The following CENPE variants were observed in gnomAD, a reference collection of about 807,000 sequenced individuals.
CENPE encodes the protein centromere protein E, also known as centromere-associated protein E.
Under a neutral mutation model 336.1 loss-of-function variants are expected in CENPE, and 145 were observed. The ratio of observed to expected loss-of-function variants is 0.43; its 90% CI spans 0.38 to 0.50. The LOEUF (loss-of-function observed/expected upper bound fraction) is 0.50, where lower values mean the gene tolerates loss of function less well. CENPE is among the 20% of genes least tolerant of loss of function. CENPE has a pLI of 0.00. For synonymous variants in CENPE, 1,013 were observed against 984.8 expected (o/e 1.03, Z -0.54); for missense variants, 2,719 against 3,023.3 (o/e 0.90, Z 2.36).
At chr4:103,122,315 C>T (rs1313126095) in intron 43 of CENPE, among the ~76,000 whole-genome samples, 6 of 152,090 alleles carry the variant, frequency 3.9e-5, no homozygotes, top group Admixed American at 6.5e-5. Flanking sequence ...CAACATTTTA[C>T]GCATGTTGTT....
chr4:103,152,551 A>T (rs548593009), intron 25 of CENPE, among the ~76,000 whole-genome samples: 5 of 152,302 alleles, frequency 3.3e-5, no homozygotes, highest in African/African-American at 1.2e-4. Context: ...CTATGTAAAT[A>T]AAAAGAGTTG....
At position 103,161,362 on chromosome 4, in the gene CENPE, A is replaced by C; in HGVS notation, c.1938T>G (p.Ser646Arg). Residue 646 changes from serine to arginine, a missense_variant, in exon 19 of 49, where the codon AGT becomes AGG. Transcript: ENST00000265148. ...TTTTCTCCTTCAGCTCCAGATTTTCACTTCTAAGAAAGGCTGATTCTCTCT... is the reference window on the plus strand; with the variant it reads ...TTTTCTCCTTCAGCTCCAGATTTTCCCTTCTAAGAAAGGCTGATTCTCTCT... ...DAKRESAFLR[S>R]ENLELKEKMK... 6.2e-7 allele frequency: 1 copy of C among 1,611,360 alleles called. No homozygotes were observed.
intron 18 of CENPE, among the ~76,000 whole-genome samples, chr4:103,162,408 A>T (rs1754526566): frequency 6.6e-6 from 1 of 152,172 alleles, no homozygotes; most frequent in South Asian, 2.1e-4. Context: ...CATCATCATC[A>T]GATTCAATGT....
intron 26 of CENPE, among the ~76,000 whole-genome samples, chr4:103,149,996 T>C (rs867956735): frequency 6.6e-6 from 1 of 152,054 alleles, no homozygotes; most frequent in Non-Finnish European, 1.5e-5. Context: ...GATAAACTGA[T>C]TAAGGAGATA....
intron 16 of CENPE, among the ~76,000 whole-genome samples, chr4:103,164,110 T>C (rs1302968185): frequency 6.6e-6 from 1 of 152,122 alleles, no homozygotes; most frequent in Non-Finnish European, 1.5e-5. Flanking sequence ...GCTACACAGG[T>C]ATGGAATGAT....
intron 9 of CENPE, among the ~76,000 whole-genome samples, chr4:103,184,757 A>C (rs1008403348): frequency 1.3e-5 from 2 of 152,140 alleles, no homozygotes; most frequent in African/African-American, 4.8e-5. Context: ...TAAGATAGTA[A>C]AATCTTAAAT....
chr4:103,144,698 T>A, intron 32 of CENPE, 80 bp from the exon 33 acceptor site: 2 of 918,050 alleles, frequency 2.2e-6, no homozygotes, highest in South Asian at 3.4e-5. Flanking sequence ...AATAAGGCAA[T>A]CATTTTTACA....
chr4:103,175,099 G>A (rs1452003294), intron 15 of CENPE, among the ~76,000 whole-genome samples, 196 bp from the exon 16 acceptor site: 1 of 151,982 alleles, frequency 6.6e-6, no homozygotes, highest in East Asian at 1.9e-4. Flanking sequence ...TCAATAAAGT[G>A]TATGTTTGCC....
At chr4:103,122,123 T>C (rs1750684632) in intron 43 of CENPE, among the ~76,000 whole-genome samples, 1 of 152,220 alleles carries the variant, frequency 6.6e-6, no homozygotes, top group Admixed American at 6.5e-5. Flanking sequence ...TTTCCTCTAT[T>C]TTATCTGTAG....
chr4:103,126,879 G>C (rs750647686), intron 42 of CENPE, among the ~76,000 whole-genome samples: 1 of 151,926 alleles, frequency 6.6e-6, no homozygotes, highest in Non-Finnish European at 1.5e-5. Context: ...AAACTGAAAA[G>C]CAAAGAGTAA....
At chr4:103,187,834 A>G (rs959354215) in intron 8 of CENPE, among the ~76,000 whole-genome samples, 2 of 152,244 alleles carry the variant, frequency 1.3e-5, no homozygotes, top group African/African-American at 4.8e-5. Flanking sequence ...AAATGCTCCA[A>G]TGAAAAGACA....
At chr4:103,165,192 C>G (rs1366076831) in intron 16 of CENPE, among the ~76,000 whole-genome samples, 2 of 152,068 alleles carry the variant, frequency 1.3e-5, no homozygotes, top group African/African-American at 4.8e-5. Context: ...ATGATCTGAT[C>G]TACAGTTAAT....
chr4:103,136,026 T>TA, intron 40 of CENPE, 115 bp downstream of exon 40: 1 of 844,740 alleles, frequency 1.2e-6, no homozygotes, highest in East Asian at 2.6e-5. Flanking sequence ...ACATAATCTT[T>TA]AATTTGGTAG....
intron 24 of CENPE, among the ~76,000 whole-genome samples, chr4:103,155,113 C>T (rs182348218): frequency 1.3e-5 from 2 of 152,284 alleles, no homozygotes; most frequent in African/African-American, 4.8e-5. Context: ...CTTTTATCAA[C>T]ATGGATAAAT....
Position 103,163,486 on chromosome 4 carries a change from T to C in CENPE, c.1715A>G (p.Asp572Gly). Reference protein sequence around the residue: ...LVKHAEVYNQDLENELSSKVE... With the variant: ...LVKHAEVYNQGLENELSSKVE... ...ACCAACATGAATGCTCACCTCAAGA[T>C]CTTGATTATATACTTCTGCATGCTT... The change falls in exon 17 of 49, where the codon GAT (aspartate) becomes GGT (glycine). Residue 572 changes from aspartate (D) to glycine (G), a missense_variant. This residue lies in a region of CENPE where 2,437 missense variants were observed against 2,513.3 expected (regional missense o/e 0.97). Transcript: ENST00000265148. The C allele has an allele frequency of 6.3e-7, 1 of 1,591,996 alleles. No homozygotes were observed. The highest frequency in any genetic ancestry group is 8.6e-7 in the Non-Finnish European group (1 of 1,168,544).
At chr4:103,110,213 G>A (rs1287357820) in intron 47 of CENPE, among the ~76,000 whole-genome samples, 1 of 152,122 alleles carries the variant, frequency 6.6e-6, no homozygotes, top group African/African-American at 2.4e-5. Flanking sequence ...GCAATAAAAC[G>A]AGGTATGCCT....
intron 46 of CENPE, among the ~76,000 whole-genome samples, chr4:103,113,393 C>T (rs573762322): frequency 7.1e-6 from 1 of 141,008 alleles, no homozygotes; most frequent in South Asian, 2.2e-4. Flanking sequence ...TATAATACTT[C>T]TAATTATATA....
intron 45 of CENPE, among the ~76,000 whole-genome samples, chr4:103,116,092 T>A (rs548355944): frequency 6.6e-6 from 1 of 152,312 alleles, no homozygotes; most frequent in East Asian, 1.9e-4. Flanking sequence ...CATGCTGTTA[T>A]GTATAATGCT....
chr4:103,133,520 G>A (rs1751796082), intron 41 of CENPE, among the ~76,000 whole-genome samples, 175 bp downstream of exon 41: 1 of 152,128 alleles, frequency 6.6e-6, no homozygotes, highest in Admixed American at 6.5e-5. Flanking sequence ...TATCTATTGA[G>A]GTCTGAAGAG....
Sources: allele counts gnomAD v4.1 joint callset (sites outside exome capture counted in the v4.1 genomes callset), GRCh38; gene constraint gnomAD v4.1.1; regional missense constraint gnomAD v4.1.1; transcripts MANE v1.5; gene names NCBI Gene and HGNC (gene_info 2026-07-23, HGNC 2026-07-21).